The following ZNF16 variants were observed in gnomAD, a reference collection of about 807,000 sequenced individuals.
ZNF16 encodes zinc finger protein KOX9.
ZNF16 carries 7 observed loss-of-function variants against 9.0 expected under a neutral mutation model. The ratio of observed to expected loss-of-function variants is 0.78; its 90% confidence interval spans 0.44 to 1.47. ZNF16 has a LOEUF of 1.47. ZNF16 is among the 40% of genes most tolerant of loss of function. ZNF16 has a pLI of 0.01. For missense variants in ZNF16, 830 were observed against 854.2 expected (o/e 0.97, Z 0.35); for synonymous variants, 312 against 301.5 (o/e 1.03, Z -0.36).
Position 144,931,996 on chromosome 8 carries a change from G to T in ZNF16, c.791C>A (p.Ala264Asp), listed in dbSNP as rs1339557157. The T allele has an allele frequency of 1.9e-6, 3 of 1,614,186 alleles. No homozygotes were observed. ...NRHRSHMSEKAYQCSECGKAF... is the reference protein window; with the variant it reads ...NRHRSHMSEKDYQCSECGKAF... ...TTTCCCACATTCGCTGCACTGGTAA[G>T]CTTTCTCACTCATATGAGATCGATG... Residue 264 changes from alanine to aspartate, a missense_variant, in exon 3 of 3, where the codon GCT becomes GAT. Ala to Asp is a moderately radical substitution (Grantham distance 126). Coordinates refer to ENST00000394909, the MANE Select transcript of ZNF16 (RefSeq NM_006958.3).
In ZNF16 at chr8:144,930,858, G is replaced by A. The variant is rs140377270; in HGVS notation, c.1929C>T (p.Val643=). The change falls in exon 3 of 3, where the codon GTC becomes GTT. Residue 643 remains valine, a synonymous_variant. Coordinates refer to ENST00000394909, the MANE Select transcript of ZNF16 (RefSeq NM_006958.3). ...ECGKAFSQRS[V]LIQHQRIHTG... is the part of the protein sequence containing the mutation. ...TGTGAATCCTCTGGTGCTGGATGAG[G>A]ACCGAACGCTGACTGAAGGCTTTCC... 221 of 1,604,102 alleles carry A rather than the reference G, an allele frequency of 1.4e-4. 1 individual carries two copies. The African/African-American group carries it at 2.7e-3, about 19-fold the overall frequency.
chr8:144,950,479 A>G (rs1244904314), intron 1 of ZNF16: 1 of 152,148 alleles, frequency 6.6e-6, no homozygotes, highest in African/African-American at 2.4e-5. Flanking sequence ...GAATGGTGGC[A>G]CCGACAGGCG....
At position 144,946,084 on chromosome 8, in the gene ZNF16, T is replaced by A. The variant is rs749033963; in HGVS notation, c.123A>T (p.Gly41=). ...AGCAGGGGGTACCACAGGCTGCAGA[T>A]CCAGGGTGGGTCACAGCAGGAGCAT... The part of the protein sequence containing the change: ...VRDAPAVTHP[G]SAACGTPCCS... Residue 41 remains glycine (G), a synonymous_variant, in exon 2 of 3, where the codon GGA becomes GGT. Transcript: ENST00000394909. 6 of 1,613,194 alleles carry A rather than the reference T, an allele frequency of 3.7e-6. No homozygotes were observed. In the Admixed American group the frequency reaches 1.0e-4, roughly 27 times the overall value.
chr8:144,931,313 T>C lies in ZNF16; in HGVS notation c.1474A>G (p.Ser492Gly), dbSNP rs1470711375. The C allele has an allele frequency of 1.9e-6, 3 of 1,614,222 alleles. No homozygotes were observed. The highest frequency in any genetic ancestry group is 2.2e-5 in the South Asian group (2 of 91,088). Reference protein sequence around the residue: ...IHTGEKPYRCSVCGKAFSHSS... With the variant: ...IHTGEKPYRCGVCGKAFSHSS... The stretch of plus-strand genomic sequence containing the variant: ...TGGCTGAAGGCCTTCCCACAGACAC[T>C]GCATCTGTACGGCTTCTCTCCCGTG... Residue 492 changes from serine to glycine, a missense_variant, in exon 3 of 3, where the codon AGT becomes GGT. Physicochemically the swap from Ser to Gly is moderately conservative, Grantham distance 56. Transcript: ENST00000394909.
At chr8:144,942,200 A>G (rs11990389) in intron 2 of ZNF16, among the ~76,000 whole-genome samples, 53,851 of 150,042 alleles carry the variant, frequency 0.36, 10,130 homozygotes, top group African/African-American at 0.48. Context: ...GGATGGTCTC[A>G]ATCTCCTGAC....
chr8:144,932,468 C>T lies in ZNF16; in HGVS notation c.319G>A (p.Gly107Arg). The T allele has an allele frequency of 3.1e-6, 5 of 1,614,228 alleles. No homozygotes were observed. The highest frequency in any genetic ancestry group is 3.4e-6 in the Non-Finnish European group (4 of 1,180,048). Residue 107 changes from glycine to arginine, a missense_variant, in exon 3 of 3, where the codon GGA becomes AGA. Physicochemically the swap from Gly to Arg is moderately radical, Grantham distance 125 (BLOSUM62 -2). Transcript: ENST00000394909. The surrounding 1 kb of genome is among the most constrained non-coding windows in gnomAD (Gnocchi z 5.0). ...TCTGATACATCATCACACAGATCTC[C>T]AAGCTCGGGTACCTGGGAAACATCA... Reference protein sequence around the residue: ...AGDVSQVPELGDLCDDVSERD... With the variant: ...AGDVSQVPELRDLCDDVSERD...
intron 1 of ZNF16, among the ~76,000 whole-genome samples, chr8:144,948,864 A>G (rs1834023450): frequency 6.6e-6 from 1 of 152,186 alleles, no homozygotes; most frequent in Non-Finnish European, 1.5e-5. Context: ...TGCTTATGTT[A>G]CACTACATAC....
chr8:144,935,492 C>A (rs1337068930), intron 2 of ZNF16, among the ~76,000 whole-genome samples: 3 of 152,162 alleles, frequency 2.0e-5, no homozygotes, highest in Admixed American at 2.0e-4. Context: ...AGGTGTGAGC[C>A]ACCATGCCCG....
chr8:144,945,677 G>A (rs988748699), intron 2 of ZNF16: 1 of 225,166 alleles, frequency 4.4e-6, no homozygotes. Context: ...ACAAAGCCCT[G>A]GACCAGAGTA....
At position 144,932,979 on chromosome 8, in the gene ZNF16, C is replaced by T. The variant is rs1233424953; in HGVS notation, c.197-389G>A. On this transcript the variant is annotated intron_variant, in intron 2 of 2. Coordinates refer to ENST00000394909, the MANE Select transcript of ZNF16 (RefSeq NM_006958.3). This position sits in a 1 kb window ranked among gnomAD's most constrained non-coding sequence, Gnocchi z 5.0. Reference sequence around the variant, plus strand: ...TCAGAGTGCAGCCCAAATCCAGGTGCTTCTCACTTCTCCCACCTGTACCAG... The same window carrying T: ...TCAGAGTGCAGCCCAAATCCAGGTGTTTCTCACTTCTCCCACCTGTACCAG... 1.3e-5 allele frequency among the ~76,000 whole-genome samples: 2 copies of T among 152,208 alleles called. No homozygotes were observed. The highest frequency in any genetic ancestry group is 2.9e-5 in the Non-Finnish European group (2 of 68,044).
At position 144,947,359 on chromosome 8, in the gene ZNF16, GC is replaced by G. The variant is rs1411338094; in HGVS notation, c.-9-1145del. Among the ~76,000 whole-genome samples the G allele has an allele frequency of 3.3e-3, 471 of 144,466 alleles. 7 individuals carry two copies. The highest frequency in any genetic ancestry group is 0.011 in the African/African-American group (452 of 39,374). The allele number at this position is 144,466 out of a possible 152,430, so 94.8% of individuals were successfully genotyped here. A position where few individuals can be genotyped will look rare whatever the true frequency, so the allele number is the denominator to read the frequency against. On this transcript the variant is annotated intron_variant, in intron 1 of 2. Coordinates refer to ENST00000394909, the MANE Select transcript of ZNF16 (RefSeq NM_006958.3). ...CTGTGGGCCTGTGTCCTGTTGTGGG[GC>G]CTGTATCCTGCTGTGGGCCTGTATC...
Position 144,932,237 on chromosome 8 carries a change from C to T in ZNF16, c.550G>A (p.Asp184Asn). ...TGCTGGAAACTCTGGCCACCCATGT[C>T]ATATGGATGTGGCCTCTCTTCTGTA... ...IPTEERPHPY[D>N]MGGQSFQHSV... Residue 184 changes from aspartate (D) to asparagine (N), a missense_variant, in exon 3 of 3, where the codon GAC becomes AAC. Coordinates refer to ENST00000394909, the MANE Select transcript of ZNF16 (RefSeq NM_006958.3). The surrounding 1 kb of genome is among the most constrained non-coding windows in gnomAD (Gnocchi z 5.0). 2.5e-6 allele frequency: 4 copies of T among 1,614,188 alleles called. No homozygotes were observed. Among genetic ancestry groups the T allele is most frequent in the African/African-American group, 1.3e-5 (1 of 75,046 alleles).
At chr8:144,950,491 G>C (rs1284409842) in intron 1 of ZNF16, 1 of 152,238 alleles carries the variant, frequency 6.6e-6, no homozygotes, top group Non-Finnish European at 1.5e-5. Context: ...CGACAGGCGG[G>C]AACGCCACCA....
At position 144,931,704 on chromosome 8, in the gene ZNF16, G is replaced by C. The variant is rs756197012; in HGVS notation, c.1083C>G (p.Ser361Arg). 6.2e-7 allele frequency: 1 copy of C among 1,613,918 alleles called. No homozygotes were observed. Among genetic ancestry groups the C allele is most frequent in the Non-Finnish European group, 8.5e-7 (1 of 1,179,874 alleles). The change falls in exon 3 of 3, where the codon AGC becomes AGG. Residue 361 changes from serine to arginine, a missense_variant. Ser to Arg is a moderately radical substitution (Grantham distance 110, BLOSUM62 -1). Transcript: ENST00000394909. ...TCCTGTGGTGTTTGATGAGGTTTGAGCTTCGCCTGAAGGCCTTCCCACACT... is the reference window on the plus strand; with the variant it reads ...TCCTGTGGTGTTTGATGAGGTTTGACCTTCGCCTGAAGGCCTTCCCACACT... Reference protein sequence around the residue: ...CSECGKAFRRSSNLIKHHRTH... With the variant: ...CSECGKAFRRRSNLIKHHRTH...
intron 2 of ZNF16, among the ~76,000 whole-genome samples, chr8:144,940,914 T>C (rs531895352): frequency 6.6e-6 from 1 of 152,310 alleles, no homozygotes; most frequent in South Asian, 2.1e-4. Flanking sequence ...CCCTCAGGCC[T>C]CTTATAAGGA....
rs767820928 is a variant in ZNF16, at chr8:144,932,105, G to C, written c.682C>G (p.Gln228Glu). 2.5e-5 allele frequency: 40 copies of C among 1,614,038 alleles called. No individual in the cohort carries two copies. Among genetic ancestry groups the C allele is most frequent in the Non-Finnish European group, 3.1e-5 (37 of 1,180,040 alleles). ...GAAGCCTCCCCAGTGTGGACTATTTGACGCTGAATAAGGTCAGGATTTCCT... is the reference window on the plus strand; with the variant it reads ...GAAGCCTCCCCAGTGTGGACTATTTCACGCTGAATAAGGTCAGGATTTCCT... ...FQGNPDLIQRQIVHTGEASFM... is the reference protein window; with the variant it reads ...FQGNPDLIQREIVHTGEASFM... The change falls in exon 3 of 3, where the codon CAA (glutamine) becomes GAA (glutamate). Residue 228 changes from glutamine (Q) to glutamate (E), a missense_variant. Coordinates refer to ENST00000394909, the MANE Select transcript of ZNF16 (RefSeq NM_006958.3). This position sits in a 1 kb window ranked among gnomAD's most constrained non-coding sequence, Gnocchi z 5.0.
rs1833592659 is a variant in ZNF16 at position 144,932,894 on chromosome 8, T to C, written c.197-304A>G. 6.6e-6 allele frequency among the ~76,000 whole-genome samples: 1 copy of C among 152,170 alleles called. No individual in the cohort carries two copies. On this transcript the variant is annotated intron_variant, in intron 2 of 2. Transcript: ENST00000394909. This position sits in a 1 kb window ranked among gnomAD's most constrained non-coding sequence, Gnocchi z 5.0. ...CTCAGGCCAAAATCCTGGCTGTCCC[T>C]TGACTCCCCTCTTCCTCGACACCCA...
At chr8:144,946,331 CT>C (rs1455307956) in intron 1 of ZNF16, 116 bp from the exon 2 acceptor site, 1 of 1,010,688 alleles carries the variant, frequency 9.9e-7, no homozygotes, top group African/African-American at 1.6e-5. Flanking sequence ...TGAAGAGGGC[CT>C]GGTGCTGCCA....
chr8:144,943,499 T>C (rs1167442001), intron 2 of ZNF16, among the ~76,000 whole-genome samples: 1 of 152,112 alleles, frequency 6.6e-6, no homozygotes, highest in South Asian at 2.1e-4. Flanking sequence ...TGGTGTCTCA[T>C]GGTCCATTAA....
Sources: allele counts gnomAD v4.1 joint callset (sites outside exome capture counted in the v4.1 genomes callset), GRCh38; gene constraint gnomAD v4.1.1; non-coding constraint Gnocchi (gnomAD v3.1); transcripts MANE v1.5; gene names NCBI Gene and HGNC (gene_info 2026-07-23, HGNC 2026-07-21).